The following CERS5 variants were observed in gnomAD, a reference collection of about 807,000 sequenced individuals.
CERS5 encodes ceramide synthase 5.
In CERS5, 37 loss-of-function variants were observed where a neutral mutation model predicts 58.9. That is an observed-to-expected ratio of 0.63 (90% confidence interval 0.48 to 0.83). The LOEUF (loss-of-function observed/expected upper bound fraction) is 0.83, where lower values mean the gene tolerates loss of function less well. Among genes scored for constraint, CERS5 ranks in the 40% least tolerant of loss-of-function variants. CERS5 has a pLI of 0.00. For synonymous variants in CERS5, 147 were observed against 177.8 expected (o/e 0.83, Z 1.38); for missense variants, 398 against 489.3 (o/e 0.81, Z 1.76).
chr12:50,139,432 G>A (rs1471008610), intron 4 of CERS5, among the ~76,000 whole-genome samples: 1 of 152,074 alleles, frequency 6.6e-6, no homozygotes, highest in Non-Finnish European at 1.5e-5. Flanking sequence ...GCAGTGAGCT[G>A]TGATCACGCA....
chr12:50,140,491 C>T (rs1161273614), intron 4 of CERS5, among the ~76,000 whole-genome samples: 1 of 151,870 alleles, frequency 6.6e-6, no homozygotes, highest in Non-Finnish European at 1.5e-5. Context: ...TGCCCTGTTG[C>T]CCAGGCTGGT....
chr12:50,156,127 C>T (rs919318486), intron 1 of CERS5, among the ~76,000 whole-genome samples: 4 of 134,578 alleles, frequency 3.0e-5, no homozygotes, highest in East Asian at 2.2e-4. Context: ...AAAGGCCGGC[C>T]GTGGTGGCTC....
chr12:50,151,421 C>T (rs1937946246), intron 1 of CERS5, among the ~76,000 whole-genome samples: 1 of 152,082 alleles, frequency 6.6e-6, no homozygotes, highest in African/African-American at 2.4e-5. Context: ...CTTGAAATGC[C>T]CTTTTCTCTT....
At chr12:50,132,038 G>A (rs540468856) in intron 9 of CERS5, among the ~76,000 whole-genome samples, 8 of 151,960 alleles carry the variant, frequency 5.3e-5, no homozygotes, top group Non-Finnish European at 1.2e-4. Context: ...CCAGGAGGTC[G>A]AGGCTGCAGT....
At chr12:50,146,504 C>G (rs938762161) in intron 1 of CERS5, among the ~76,000 whole-genome samples, 1 of 152,144 alleles carries the variant, frequency 6.6e-6, no homozygotes, top group African/African-American at 2.4e-5. Context: ...CTCGTTAGTT[C>G]AGAGTTCGGT....
At chr12:50,134,280 G>T in intron 9 of CERS5, 1 of 588,780 alleles carries the variant, frequency 1.7e-6, no homozygotes, top group Non-Finnish European at 2.4e-6. Context: ...TTGGGAGGCT[G>T]CAGTGGGAGA....
intron 9 of CERS5, chr12:50,133,215 G>A: frequency 3.5e-6 from 4 of 1,154,850 alleles, no homozygotes; most frequent in Non-Finnish European, 4.3e-6. Context: ...CCATCACTTG[G>A]TCCTAGTATC....
At chr12:50,132,378 G>A (rs11169280) in intron 9 of CERS5, among the ~76,000 whole-genome samples, 3,617 of 151,880 alleles carry the variant, frequency 0.024, 148 homozygotes, top group African/African-American at 0.082. Context: ...CTCCAGCCTG[G>A]GCAACAAGAG....
chr12:50,159,440 A>T (rs1424534326), intron 1 of CERS5, among the ~76,000 whole-genome samples: 1 of 152,218 alleles, frequency 6.6e-6, no homozygotes. Context: ...TATTTAAAGG[A>T]ACATCTAATA....
At chr12:50,134,355 C>T (rs1951508282) in intron 9 of CERS5, 191 bp downstream of exon 9, 7 of 1,449,720 alleles carry the variant, frequency 4.8e-6, no homozygotes, top group Non-Finnish European at 6.4e-6. Flanking sequence ...GCCTGGGTGA[C>T]AGAGCAAGAC....
chr12:50,165,280 A>T (rs1194884355), intron 1 of CERS5: 2 of 152,116 alleles, frequency 1.3e-5, no homozygotes, highest in Non-Finnish European at 2.9e-5. Flanking sequence ...TTAGCCGGAC[A>T]TGGTGGCGGG....
chr12:50,133,511 G>A (rs1027826556), intron 9 of CERS5: 17 of 988,944 alleles, frequency 1.7e-5, no homozygotes, highest in Non-Finnish European at 2.0e-5. Flanking sequence ...ACCTTGTGGT[G>A]GCTTGTGAAC....
Position 50,135,678 on chromosome 12 carries a change from A to C in CERS5, c.872+54T>G, listed in dbSNP as rs753515506. 8.5e-6 allele frequency: 11 copies of C among 1,289,256 alleles called. No homozygotes were observed. The South Asian group carries it at 1.2e-4, about 14-fold the overall frequency. The allele number at this position is 1,289,256 out of a possible 1,614,324, so 79.9% of individuals were successfully genotyped here. A position where few individuals can be genotyped will look rare whatever the true frequency, so the allele number is the denominator to read the frequency against. On this transcript the variant is annotated intron_variant, in intron 8 of 9. Coordinates refer to ENST00000317551, the MANE Select transcript of CERS5 (RefSeq NM_147190.5). ...CTGAATGGGCAAAATGAGAATTGGC[A>C]AAAAGGTATCATTAGGCTCATACCT...
chr12:50,155,192 T>C (rs1025892596), intron 1 of CERS5, among the ~76,000 whole-genome samples: 4 of 152,068 alleles, frequency 2.6e-5, no homozygotes, highest in African/African-American at 9.7e-5. Context: ...TAATTTAAAA[T>C]ATGGTAAAGT....
At chr12:50,144,960 CCCGT>C (rs2138111852) in intron 1 of CERS5, 1 of 359,912 alleles carries the variant, frequency 2.8e-6, no homozygotes, top group South Asian at 4.1e-5. Context: ...ATAGTGAAAC[CCCGT>C]CTCTACTAAA....
intron 1 of CERS5, among the ~76,000 whole-genome samples, chr12:50,158,701 A>G (rs375338988): frequency 8.5e-5 from 13 of 152,312 alleles, no homozygotes; most frequent in South Asian, 4.1e-4. Context: ...ACCGATTTCA[A>G]TCTATAACTG....
Position 50,130,629 on chromosome 12 carries a change from T to C in CERS5, c.1095A>G (p.Thr365=). ...TGGAGCTACTGTCACAGGGACTTTT[T>C]GTGCAGGTGGTCACATCTTCTTCCT... ...SSEEEDVTTC[T]KSPCDSSSSN... Residue 365 remains threonine (T), a synonymous_variant, in exon 10 of 10, where the codon ACA becomes ACG. Transcript: ENST00000317551. The C allele has an allele frequency of 6.2e-7, 1 of 1,612,796 alleles. No homozygotes were observed. The highest frequency in any genetic ancestry group is 2.2e-5 in the East Asian group (1 of 44,876).
intron 1 of CERS5, among the ~76,000 whole-genome samples, chr12:50,158,467 C>T (rs964622334): frequency 1.3e-5 from 2 of 152,134 alleles, no homozygotes; most frequent in Non-Finnish European, 1.5e-5. Context: ...TATGACATAT[C>T]CTAAGCTTTC....
intron 9 of CERS5, chr12:50,134,206 C>A: frequency 2.8e-6 from 1 of 358,320 alleles, no homozygotes; most frequent in Non-Finnish European, 5.3e-6. Context: ...CATAGTGACA[C>A]CCTATCTACA....
Sources: allele counts gnomAD v4.1 joint callset (sites outside exome capture counted in the v4.1 genomes callset), GRCh38; gene constraint gnomAD v4.1.1; transcripts MANE v1.5; gene names NCBI Gene and HGNC (gene_info 2026-07-23, HGNC 2026-07-21).